The following SLC31A1 variants were observed in gnomAD, a reference collection of about 807,000 sequenced individuals.
SLC31A1 encodes solute carrier family 31 member 1.
Under a neutral mutation model 17.2 loss-of-function variants are expected in SLC31A1, and 5 were observed. The observed-to-expected ratio is 0.29, with a 90% confidence interval of 0.15 to 0.61. The LOEUF (loss-of-function observed/expected upper bound fraction) is 0.61, where lower values mean the gene tolerates loss of function less well. Ranked by LOEUF, SLC31A1 falls within the 20% of genes least tolerant of loss-of-function variation. The pLI is 0.86. For missense variants in SLC31A1, 161 were observed against 241.4 expected (o/e 0.67, Z 2.21); for synonymous variants, 76 against 78.8 (o/e 0.96, Z 0.19).
chr9:113,245,638 GTT>G (rs879942018), intron 1 of SLC31A1, among the ~76,000 whole-genome samples: 1 of 145,130 alleles, frequency 6.9e-6, no homozygotes, highest in African/African-American at 2.5e-5. Context: ...ATGCCACTAA[GTT>G]TTTTTTTTTT....
intron 1 of SLC31A1, among the ~76,000 whole-genome samples, chr9:113,231,563 CAAA>C (rs11308804): frequency 7.2e-6 from 1 of 138,980 alleles, no homozygotes. Context: ...GATCTTGTCT[CAAA>C]AAAAAAAAAA....
intron 1 of SLC31A1, among the ~76,000 whole-genome samples, chr9:113,230,415 G>A (rs1831389270): frequency 1.3e-5 from 2 of 152,002 alleles, no homozygotes; most frequent in South Asian, 4.1e-4. Flanking sequence ...GCATCTCCAC[G>A]CCTGGCTACT....
rs1417712797 is a variant in SLC31A1 at position 113,260,390 on chromosome 9, G to A, written c.490G>A (p.Val164Ile). 4 of 1,614,176 alleles carry A rather than the reference G, an allele frequency of 2.5e-6. No homozygotes were observed. Among genetic ancestry groups the A allele is most frequent in the South Asian group, 1.1e-5 (1 of 91,090 alleles). ...CTACAACGGGTACCTCTGCATTGCA[G>A]TAGCAGCAGGGGCCGGTACAGGATA... is the stretch of plus-strand genomic sequence containing the variant. ...MTYNGYLCIA[V>I]AAGAGTGYFL... Residue 164 changes from valine to isoleucine, a missense_variant, in exon 5 of 5, where the codon GTA becomes ATA. Transcript: ENST00000374212.
chr9:113,255,931 C>A lies in SLC31A1; in HGVS notation c.-35-183C>A, dbSNP rs191803314. 7.7e-5 allele frequency: 26 copies of A among 338,718 alleles called. No homozygotes were observed. In the East Asian group the frequency reaches 1.3e-3, roughly 17 times the overall value. The allele number at this position is 338,718 out of a possible 1,614,324, so 21.0% of individuals were successfully genotyped here. A position where few individuals can be genotyped will look rare whatever the true frequency, so the allele number is the denominator to read the frequency against. On this transcript the variant is annotated intron_variant, in intron 1 of 4. Coordinates refer to ENST00000374212, the MANE Select transcript of SLC31A1 (RefSeq NM_001859.4). ...GGGAACCACCAGGTTGCCTGGTGAA[C>A]CAGCCTAGATCAGAAATGGAGCAGG... is the stretch of plus-strand genomic sequence containing the variant.
Position 113,258,335 on chromosome 9 carries a change from ATG to A in SLC31A1, c.203-357_203-356del, listed in dbSNP as rs1831751492. On this transcript the variant is annotated intron_variant, in intron 3 of 4. Coordinates refer to ENST00000374212, the MANE Select transcript of SLC31A1 (RefSeq NM_001859.4). The surrounding 1 kb of genome is among the most constrained non-coding windows in gnomAD (Gnocchi z 4.8). Reference sequence around the variant, plus strand: ...TAGAATTGAAATGCCTATTCAGGAAATGTAGTCAGCCACTGATGAAACTAAAT... The same window carrying A: ...TAGAATTGAAATGCCTATTCAGGAAATAGTCAGCCACTGATGAAACTAAAT... Among the ~76,000 whole-genome samples the A allele has an allele frequency of 6.6e-6, 1 of 152,224 alleles. No homozygotes were observed. The highest frequency in any genetic ancestry group is 2.1e-4 in the South Asian group (1 of 4,836).
At chr9:113,260,126 C>A (rs1220196515) in intron 4 of SLC31A1, 146 bp from the exon 5 acceptor site, 3 of 729,596 alleles carry the variant, frequency 4.1e-6, no homozygotes, top group East Asian at 5.2e-5. Context: ...TTTCCATGGA[C>A]CAATCAAAGA....
intron 1 of SLC31A1, among the ~76,000 whole-genome samples, chr9:113,251,580 T>C (rs1258957845): frequency 6.6e-6 from 1 of 152,172 alleles, no homozygotes; most frequent in Non-Finnish European, 1.5e-5. Context: ...CAATGCTAGT[T>C]TACCTCCTGT....
In SLC31A1 at chr9:113,234,868, T is replaced by C. The variant is rs936246787; in HGVS notation, c.-36+13190T>C. 2.0e-5 allele frequency among the ~76,000 whole-genome samples: 3 copies of C among 152,252 alleles called. No homozygotes were observed. In the East Asian group the frequency reaches 5.8e-4, roughly 29 times the overall value. Reference sequence around the variant, plus strand: ...GTATTTTTACATTTGATATTCATACTGTTGTGAGATTTTTATCCCAGTTTT... The same window carrying C: ...GTATTTTTACATTTGATATTCATACCGTTGTGAGATTTTTATCCCAGTTTT... On this transcript the variant is annotated intron_variant, in intron 1 of 4. Coordinates refer to ENST00000374212, the MANE Select transcript of SLC31A1 (RefSeq NM_001859.4).
intron 1 of SLC31A1, among the ~76,000 whole-genome samples, chr9:113,232,778 A>G (rs1355352544): frequency 6.6e-6 from 1 of 151,756 alleles, no homozygotes; most frequent in African/African-American, 2.4e-5. Context: ...CAGGAGGTGG[A>G]GGTTGCAGTG....
chr9:113,254,320 T>A (rs939060419), intron 1 of SLC31A1, among the ~76,000 whole-genome samples: 13 of 152,182 alleles, frequency 8.5e-5, no homozygotes, highest in African/African-American at 2.4e-4. Flanking sequence ...AGCATGAAAT[T>A]ATATTTATTG....
chr9:113,224,539 C>T (rs997950436), intron 1 of SLC31A1, among the ~76,000 whole-genome samples: 6 of 152,122 alleles, frequency 3.9e-5, no homozygotes, highest in Admixed American at 1.3e-4. Flanking sequence ...AGCGATTCTC[C>T]AGCCTCACCC....
chr9:113,231,981 C>T (rs960717827), intron 1 of SLC31A1, among the ~76,000 whole-genome samples: 2 of 152,204 alleles, frequency 1.3e-5, no homozygotes, highest in Admixed American at 6.5e-5. Context: ...CTCACTTAGG[C>T]AGTCCTACCT....
chr9:113,242,308 A>C (rs1831530786), intron 1 of SLC31A1, among the ~76,000 whole-genome samples: 1 of 152,200 alleles, frequency 6.6e-6, no homozygotes, highest in Non-Finnish European at 1.5e-5. Flanking sequence ...AAAGTGGGGG[A>C]TGTGTTTCCT....
chr9:113,239,312 C>T (rs1831497376), intron 1 of SLC31A1, among the ~76,000 whole-genome samples: 1 of 152,062 alleles, frequency 6.6e-6, no homozygotes, highest in Non-Finnish European at 1.5e-5. Flanking sequence ...CTTACTAATT[C>T]TTGTAGAATA....
chr9:113,250,691 C>CA (rs74410113), intron 1 of SLC31A1, among the ~76,000 whole-genome samples: 188 of 133,350 alleles, frequency 1.4e-3, no homozygotes, highest in African/African-American at 2.9e-3. Flanking sequence ...AAAAAAACTT[C>CA]AAAAAAAAAA....
chr9:113,243,031 A>G (rs1831538146), intron 1 of SLC31A1, among the ~76,000 whole-genome samples: 1 of 151,680 alleles, frequency 6.6e-6, no homozygotes, highest in Non-Finnish European at 1.5e-5. Context: ...TTTATACGCT[A>G]GGCTTCTAAG....
At position 113,257,157 on chromosome 9, in the gene SLC31A1, T is replaced by A. The variant is rs200067494; in HGVS notation, c.174T>A (p.Phe58Leu). The change falls in exon 3 of 5, where the codon TTT (phenylalanine) becomes TTA (leucine). Residue 58 changes from phenylalanine to leucine, a missense_variant. Transcript: ENST00000374212. ...YFGFKNVELL[F>L]SGLVINTAGE... Reference sequence around the variant, plus strand: ...GCTTTAAGAATGTGGAACTACTGTTTTCCGGTTTGGTGATCAATACAGCTG... The same window carrying A: ...GCTTTAAGAATGTGGAACTACTGTTATCCGGTTTGGTGATCAATACAGCTG... The A allele has an allele frequency of 6.2e-7, 1 of 1,613,986 alleles. No homozygotes were observed. The highest frequency in any genetic ancestry group is 1.3e-5 in the African/African-American group (1 of 75,056).
At chr9:113,242,527 C>T (rs938352595) in intron 1 of SLC31A1, among the ~76,000 whole-genome samples, 12 of 152,102 alleles carry the variant, frequency 7.9e-5, no homozygotes, top group Admixed American at 5.2e-4. Flanking sequence ...TCAGGGCCTC[C>T]CTCAGTAGCT....
chr9:113,246,851 G>A (rs182570395), intron 1 of SLC31A1, among the ~76,000 whole-genome samples: 592 of 150,902 alleles, frequency 3.9e-3, no homozygotes, highest in Non-Finnish European at 6.3e-3. Flanking sequence ...TGTTGGCCAG[G>A]CTGGTCTCAA....
Sources: allele counts gnomAD v4.1 joint callset (sites outside exome capture counted in the v4.1 genomes callset), GRCh38; gene constraint gnomAD v4.1.1; non-coding constraint Gnocchi (gnomAD v3.1); transcripts MANE v1.5; gene names NCBI Gene and HGNC (gene_info 2026-07-23, HGNC 2026-07-21).